The following CA10 variants were observed in gnomAD, a reference collection of about 807,000 sequenced individuals.
The protein encoded by CA10 is carbonic anhydrase 10 (inactive).
A neutral mutation model predicts 44.2 loss-of-function variants in CA10; 14 were observed. The observed-to-expected ratio is 0.32, with a 90% CI of 0.21 to 0.50. The LOEUF (loss-of-function observed/expected upper bound fraction) is 0.50, where lower values mean the gene tolerates loss of function less well. CA10 is among the 20% of genes least tolerant of loss of function. CA10 has a pLI of 0.99. For synonymous variants in CA10, 159 were observed against 141.6 expected (o/e 1.12, Z -0.87); for missense variants, 350 against 409.7 (o/e 0.85, Z 1.26).
At chr17:51,767,548 C>G (rs1905432415) in intron 3 of CA10, among the ~76,000 whole-genome samples, 1 of 152,134 alleles carries the variant, frequency 6.6e-6, no homozygotes. Context: ...TTTTTGGCAT[C>G]AGGGACTGGT....
chr17:51,849,190 TA>T (rs1978651179), intron 3 of CA10, among the ~76,000 whole-genome samples: 1 of 67,292 alleles, frequency 1.5e-5, no homozygotes, highest in Non-Finnish European at 2.6e-5. Flanking sequence ...TATGTATATA[TA>T]TATATACATA....
At chr17:52,087,315 T>C (rs1330168281) in intron 1 of CA10, among the ~76,000 whole-genome samples, 1 of 152,176 alleles carries the variant, frequency 6.6e-6, no homozygotes, top group African/African-American at 2.4e-5. Flanking sequence ...TAATTTTTCA[T>C]ATTTTTAGTA....
chr17:51,992,157 C>A (rs203035), intron 2 of CA10, among the ~76,000 whole-genome samples: 75,308 of 151,860 alleles, frequency 0.5, 19,481 homozygotes, highest in African/African-American at 0.63. Context: ...TTCCTCCCTC[C>A]TTGGAGGCAA....
chr17:51,977,284 C>A (rs982244175), intron 2 of CA10, among the ~76,000 whole-genome samples: 3 of 151,682 alleles, frequency 2.0e-5, no homozygotes, highest in African/African-American at 7.3e-5. Context: ...CACAAAAATT[C>A]TTAACAAAAT....
intron 4 of CA10, among the ~76,000 whole-genome samples, chr17:51,660,481 G>T (rs1913963341): frequency 6.6e-6 from 1 of 152,206 alleles, no homozygotes; most frequent in African/African-American, 2.4e-5. Flanking sequence ...CTTGTCATAG[G>T]TTAAGCTGGG....
intron 3 of CA10, among the ~76,000 whole-genome samples, chr17:51,755,023 T>C (rs1316424448): frequency 2.6e-5 from 4 of 152,118 alleles, no homozygotes; most frequent in Non-Finnish European, 4.4e-5. Flanking sequence ...TTTATCTATA[T>C]ATTTCCTACA....
At chr17:52,085,718 C>T (rs761002715) in intron 1 of CA10, among the ~76,000 whole-genome samples, 1 of 152,252 alleles carries the variant, frequency 6.6e-6, no homozygotes, top group Non-Finnish European at 1.5e-5. Flanking sequence ...AGATTGTCCT[C>T]CTGTCAGAAT....
At chr17:52,052,818 T>TTCTC (rs1029488472) in intron 2 of CA10, among the ~76,000 whole-genome samples, 1 of 152,142 alleles carries the variant, frequency 6.6e-6, no homozygotes, top group African/African-American at 2.4e-5. Context: ...CTGCTTTTCC[T>TTCTC]TCTCCTCCTT....
At chr17:52,020,705 T>C (rs555543973) in intron 2 of CA10, among the ~76,000 whole-genome samples, 3 of 152,110 alleles carry the variant, frequency 2.0e-5, no homozygotes, top group Admixed American at 1.3e-4. Context: ...GTTTGTTACA[T>C]GGATATATTG....
At chr17:51,841,497 A>G (rs528997994) in intron 3 of CA10, among the ~76,000 whole-genome samples, 3 of 152,350 alleles carry the variant, frequency 2.0e-5, no homozygotes, top group African/African-American at 7.2e-5. Context: ...TTTCCAAGGT[A>G]AGTGTGGGAA....
chr17:51,820,488 T>C (rs1304263082), intron 3 of CA10, among the ~76,000 whole-genome samples: 1 of 148,288 alleles, frequency 6.7e-6, no homozygotes, highest in Non-Finnish European at 1.5e-5. Context: ...TCAGATAGTC[T>C]TTTTATTGAG....
At chr17:51,772,415 A>G (rs72832667) in intron 3 of CA10, among the ~76,000 whole-genome samples, 33,867 of 152,104 alleles carry the variant, frequency 0.22, 4,156 homozygotes, top group Middle Eastern at 0.38. Flanking sequence ...AGCAAAAAAA[A>G]GTGATATAAA....
intron 1 of CA10, among the ~76,000 whole-genome samples, chr17:52,146,595 C>T (rs1437794700): frequency 6.6e-6 from 1 of 151,958 alleles, no homozygotes; most frequent in Non-Finnish European, 1.5e-5. Flanking sequence ...GAGGCTGAGG[C>T]AGGAGAATGG....
At position 51,875,215 on chromosome 17, in the gene CA10, T is replaced by G. The variant is rs560995949; in HGVS notation, c.279+55775A>C. ...AGGAGAGCTGCTTATACTCTTATAC[T>G]GCCCAAGTTAGTCTTGAACTCCTGG... is the stretch of plus-strand genomic sequence containing the variant. On this transcript the variant is annotated intron_variant, in intron 3 of 8. Coordinates refer to ENST00000451037, the MANE Select transcript of CA10 (RefSeq NM_020178.5). Among the ~76,000 whole-genome samples the G allele has an allele frequency of 1.2e-4, 18 of 152,286 alleles. No individual in the cohort carries two copies. In the East Asian group the frequency reaches 2.7e-3, roughly 23 times the overall value.
At chr17:51,992,809 C>G (rs552993230) in intron 2 of CA10, among the ~76,000 whole-genome samples, 1 of 152,088 alleles carries the variant, frequency 6.6e-6, no homozygotes, top group African/African-American at 2.4e-5. Flanking sequence ...TAGATGAGCA[C>G]TCAGTCTTCT....
intron 4 of CA10, among the ~76,000 whole-genome samples, chr17:51,719,157 G>C (rs1005739154): frequency 5.3e-5 from 8 of 152,288 alleles, no homozygotes; most frequent in African/African-American, 1.7e-4. Context: ...AAAAAGTCCA[G>C]GATAAATGGG....
intron 3 of CA10, among the ~76,000 whole-genome samples, chr17:51,880,436 G>T (rs190347425): frequency 6.6e-6 from 1 of 152,114 alleles, no homozygotes; most frequent in East Asian, 1.9e-4. Flanking sequence ...CTAACAAGTA[G>T]ATGGGACGGC....
intron 4 of CA10, among the ~76,000 whole-genome samples, chr17:51,663,250 T>A (rs150917801): frequency 1.4e-3 from 1 of 710 alleles, no homozygotes; most frequent in Non-Finnish European, 3.2e-3. Context: ...TTTTCTCGAT[T>A]CCTTCCCCAG....
intron 4 of CA10, among the ~76,000 whole-genome samples, chr17:51,741,730 C>G (rs574928924): frequency 6.6e-6 from 1 of 152,272 alleles, no homozygotes; most frequent in East Asian, 1.9e-4. Flanking sequence ...AGAGGTTTAC[C>G]AAGGTCATTT....
Sources: allele counts gnomAD v4.1 joint callset (sites outside exome capture counted in the v4.1 genomes callset), GRCh38; gene constraint gnomAD v4.1.1; transcripts MANE v1.5; gene names NCBI Gene and HGNC (gene_info 2026-07-23, HGNC 2026-07-21).